LIPA: variants seen among roughly 807,000 people sequenced by gnomAD.
LIPA encodes the protein lysosomal acid lipase/cholesteryl ester hydrolase.
Under a neutral mutation model 40.6 loss-of-function variants are expected in LIPA, and 26 were observed. The ratio of observed to expected loss-of-function variants is 0.64; its 90% CI spans 0.47 to 0.89. LIPA has a LOEUF of 0.89. Ranked by LOEUF, LIPA falls within the 40% of genes least tolerant of loss-of-function variation. LIPA has a pLI of 0.00. For synonymous variants in LIPA, 188 were observed against 168.4 expected (o/e 1.12, Z -0.90); for missense variants, 455 against 479.6 (o/e 0.95, Z 0.48).
chr10:89,374,908 G>C lies in LIPA; in HGVS notation c.61+37883C>G, dbSNP rs150984106. On this transcript the variant is annotated intron_variant, in intron 2 of 8. Coordinates refer to the LIPA transcript ENST00000371837. Reference sequence around the variant, plus strand: ...GGGCTCCCTGACCTGAGCCTGAGATGGGAATATGTAGATTGCCCTGGCCTG... The same window carrying C: ...GGGCTCCCTGACCTGAGCCTGAGATCGGAATATGTAGATTGCCCTGGCCTG... Among the ~76,000 whole-genome samples, 540 of 152,230 alleles carry C rather than the reference G, an allele frequency of 3.5e-3. 8 individuals are homozygous for C. The highest frequency in any genetic ancestry group is 0.012 in the African/African-American group (478 of 41,522).
intron 2 of LIPA, 97 bp downstream of exon 2, chr10:89,247,441 T>C (rs1843041287): frequency 1.6e-6 from 1 of 627,218 alleles, no homozygotes; most frequent in Non-Finnish European, 2.9e-6. Context: ...AAAGGAGTTA[T>C]AAAGAGATGA....
intron 2 of LIPA, among the ~76,000 whole-genome samples, chr10:89,351,502 A>G (rs1251468016): frequency 6.6e-6 from 1 of 152,216 alleles, no homozygotes; most frequent in Non-Finnish European, 1.5e-5. Context: ...AGGATCCCAG[A>G]ATCTGAGTTC....
In LIPA at chr10:89,390,651, T is replaced by C. The variant is rs139353195; in HGVS notation, c.61+22140A>G. 6.6e-5 allele frequency among the ~76,000 whole-genome samples: 10 copies of C among 152,164 alleles called. No individual in the cohort carries two copies. In the East Asian group the frequency reaches 1.7e-3, roughly 26 times the overall value. ...GCGCGATTGGCTTTTCTTTCCTTAA[T>C]GCTGTTCTATCCTGTGTCCCTCATG... is the stretch of plus-strand genomic sequence containing the variant. On this transcript the variant is annotated intron_variant, in intron 2 of 8. Transcript: ENST00000371837.
chr10:89,275,861 G>A (rs1843286856), intron 1 of LIPA, among the ~76,000 whole-genome samples: 1 of 152,148 alleles, frequency 6.6e-6, no homozygotes. Context: ...CTTGATGATT[G>A]TATGTCCAGA....
At chr10:89,314,030 T>C (rs1253741380) in intron 1 of LIPA, among the ~76,000 whole-genome samples, 5 of 152,252 alleles carry the variant, frequency 3.3e-5, no homozygotes, top group South Asian at 2.1e-4. Context: ...TATTTTATTA[T>C]AGCTGTTAAA....
In LIPA at chr10:89,228,242, T is replaced by A; in HGVS notation, c.386A>T (p.His129Leu). Residue 129 changes from histidine to leucine, a missense_variant, in exon 4 of 10, where the codon CAT becomes CTT. Transcript: ENST00000336233. ...NSRGNTWSRK[H>L]KTLSVSQDEF... ...ATCCTGAGAAACTGAGAGTGTCTTA[T>A]GTTTCCGAGACCAGGTATTTCCTCT... is the stretch of plus-strand genomic sequence containing the variant. 1 of 1,614,196 alleles carries A rather than the reference T, an allele frequency of 6.2e-7. No homozygotes were observed. The highest frequency in any genetic ancestry group is 1.3e-5 in the African/African-American group (1 of 75,054).
intron 1 of LIPA, among the ~76,000 whole-genome samples, chr10:89,305,627 A>G (rs1442610931): frequency 6.6e-6 from 1 of 152,188 alleles, no homozygotes; most frequent in African/African-American, 2.4e-5. Flanking sequence ...CTTTAAAACT[A>G]CATAAATAAA....
At chr10:89,375,448 T>A (rs775013337) in intron 2 of LIPA, among the ~76,000 whole-genome samples, 12 of 152,148 alleles carry the variant, frequency 7.9e-5, no homozygotes, top group Non-Finnish European at 1.2e-4. Context: ...GCCCCAAATA[T>A]AGAATAATGG....
chr10:89,289,998 G>GC (rs1491543857), intron 1 of LIPA, among the ~76,000 whole-genome samples: 1 of 119,970 alleles, frequency 8.3e-6, no homozygotes, highest in African/African-American at 3.1e-5. Context: ...TAAAAAAAAA[G>GC]GGTGGGGGGG....
chr10:89,383,207 T>C (rs1844176246), intron 2 of LIPA: 16 of 926,498 alleles, frequency 1.7e-5, no homozygotes, highest in South Asian at 5.1e-5. Flanking sequence ...CACCAGATAA[T>C]GGAGGCAGGG....
chr10:89,282,052 C>A (rs1406503770), intron 1 of LIPA, among the ~76,000 whole-genome samples: 1 of 152,174 alleles, frequency 6.6e-6, no homozygotes, highest in African/African-American at 2.4e-5. Context: ...CTTTACTCTT[C>A]TCATTCCACA....
At chr10:89,307,490 C>T (rs1843490047) in intron 1 of LIPA, 1 of 811,544 alleles carries the variant, frequency 1.2e-6, no homozygotes, top group African/African-American at 1.7e-5. Context: ...GACTAAGACA[C>T]TGGCCATACC....
Position 89,351,309 on chromosome 10 carries a change from C to G in LIPA, c.61+61482G>C, listed in dbSNP as rs1843957365. Among the ~76,000 whole-genome samples the G allele has an allele frequency of 3.3e-5, 5 of 152,148 alleles. No homozygotes were observed. In the South Asian group the frequency reaches 1.0e-3, roughly 32 times the overall value. Reference sequence around the variant, plus strand: ...CCAGCCTGGGCAACAGAGCAGAAACCCTGTCTCAATAAAAATCTTTAATGC... The same window carrying G: ...CCAGCCTGGGCAACAGAGCAGAAACGCTGTCTCAATAAAAATCTTTAATGC... On this transcript the variant is annotated intron_variant, in intron 2 of 8. Transcript: ENST00000371837.
chr10:89,357,903 A>G (rs1277975880), intron 2 of LIPA, among the ~76,000 whole-genome samples: 1 of 152,240 alleles, frequency 6.6e-6, no homozygotes, highest in Non-Finnish European at 1.5e-5. Flanking sequence ...TATCTTATTC[A>G]AAAGGTACAC....
At chr10:89,375,129 A>G (rs1330516504) in intron 2 of LIPA, among the ~76,000 whole-genome samples, 1 of 152,258 alleles carries the variant, frequency 6.6e-6, no homozygotes, top group Non-Finnish European at 1.5e-5. Flanking sequence ...CTGTTAAATG[A>G]GACATGCTTT....
At chr10:89,357,007 G>T (rs1843992310) in intron 2 of LIPA, among the ~76,000 whole-genome samples, 1 of 152,228 alleles carries the variant, frequency 6.6e-6, no homozygotes, top group African/African-American at 2.4e-5. Context: ...CTCTAATCAT[G>T]CCTTGGTCTT....
intron 8 of LIPA, among the ~76,000 whole-genome samples, chr10:89,221,752 G>A (rs1408589249): frequency 6.6e-6 from 1 of 152,164 alleles, no homozygotes; most frequent in African/African-American, 2.4e-5. Context: ...ACAGTAAGCA[G>A]GAGAAAAATC....
intron 2 of LIPA, among the ~76,000 whole-genome samples, chr10:89,374,403 G>A (rs982152087): frequency 3.3e-5 from 5 of 151,800 alleles, no homozygotes; most frequent in African/African-American, 1.2e-4. Flanking sequence ...GCTCTGTCCT[G>A]TGTGGTTCAT....
chr10:89,402,404 T>C lies in LIPA; in HGVS notation c.61+10387A>G, dbSNP rs1054895473. On this transcript the variant is annotated intron_variant, in intron 2 of 8. Transcript: ENST00000371837. ...TAGAAAACAGAGTCTTGGATCAGAT[T>C]GAATTCCTAGACACCAAATACAGTG... is the stretch of plus-strand genomic sequence containing the variant. 3.7e-6 allele frequency: 6 copies of C among 1,614,112 alleles called. No homozygotes were observed. In the African/African-American group the frequency reaches 6.7e-5, roughly 18 times the overall value.
Sources: gnomAD v4.1 joint callset for allele counts (sites outside exome capture counted in the v4.1 genomes callset) on GRCh38, gnomAD v4.1.1 for gene constraint, MANE v1.5 for transcripts, NCBI Gene and HGNC (gene_info 2026-07-23, HGNC 2026-07-21) for gene names.